Variants in AHCYL2 observed in about 807,000 individuals in gnomAD.
The protein encoded by AHCYL2 is adenosylhomocysteinase like 2.
In AHCYL2, 28 loss-of-function variants were observed where a neutral mutation model predicts 81.4. The observed-to-expected ratio is 0.34, with a 90% confidence interval of 0.25 to 0.47. The LOEUF is 0.47. Among genes scored for constraint, AHCYL2 ranks in the 20% least tolerant of loss-of-function variants. AHCYL2 has a pLI of 1.00. For missense variants in AHCYL2, 551 were observed against 785.1 expected (o/e 0.70, Z 3.56); for synonymous variants, 272 against 290.2 (o/e 0.94, Z 0.64).
chr7:129,230,226 G>A (rs569501969), intron 1 of AHCYL2, among the ~76,000 whole-genome samples: 95 of 151,686 alleles, frequency 6.3e-4, no homozygotes, highest in Non-Finnish European at 1.0e-3. Flanking sequence ...GGGACTACAG[G>A]TGTGTGCCAC....
chr7:129,233,713 C>T (rs1197750976), intron 1 of AHCYL2, among the ~76,000 whole-genome samples: 2 of 152,158 alleles, frequency 1.3e-5, no homozygotes, highest in African/African-American at 2.4e-5. Context: ...GCTCAATCTC[C>T]TGACCTCGTG....
intron 1 of AHCYL2, among the ~76,000 whole-genome samples, chr7:129,377,963 G>T (rs539952589): frequency 1.8e-4 from 28 of 152,222 alleles, no homozygotes; most frequent in Non-Finnish European, 2.1e-4. Flanking sequence ...TATAGTTAAT[G>T]ATCAATCTTA....
chr7:129,325,853 G>A (rs1242323913), intron 1 of AHCYL2, among the ~76,000 whole-genome samples: 3 of 151,748 alleles, frequency 2.0e-5, no homozygotes, highest in Admixed American at 6.6e-5. Flanking sequence ...CTACAGGCAC[G>A]TGCCACTACG....
chr7:129,399,702 G>A (rs1359175666), intron 5 of AHCYL2, among the ~76,000 whole-genome samples: 1 of 148,584 alleles, frequency 6.7e-6, no homozygotes, highest in Non-Finnish European at 1.5e-5. Flanking sequence ...CCTGTTTCTG[G>A]TTTTTGTTTT....
chr7:129,397,374 C>G (rs1471839935), intron 5 of AHCYL2, 50 bp downstream of exon 5: 1 of 1,522,540 alleles, frequency 6.6e-7, no homozygotes, highest in African/African-American at 1.4e-5. Flanking sequence ...TATTTGGAGA[C>G]TTACTTTATG....
Position 129,397,460 on chromosome 7 carries a change from A to AT in AHCYL2, c.823+139dup, listed in dbSNP as rs1795799932. ...AGAAATGGATCTCGATTCTTCATGAATTTGCTCTTTTTCTGGCCTTCGCTT... is the reference window on the plus strand; with the variant it reads ...AGAAATGGATCTCGATTCTTCATGAATTTTGCTCTTTTTCTGGCCTTCGCTT... On this transcript the variant is annotated intron_variant, in intron 5 of 16. Coordinates refer to ENST00000325006, the MANE Select transcript of AHCYL2 (RefSeq NM_015328.4). 7 of 933,636 alleles carry AT rather than the reference A, an allele frequency of 7.5e-6. No individual in the cohort carries two copies. In the East Asian group the frequency reaches 1.9e-4, roughly 25 times the overall value. The allele number at this position is 933,636 out of a possible 1,614,324, so 57.8% of individuals were successfully genotyped here.
chr7:129,329,205 G>A (rs1798331065), intron 1 of AHCYL2, among the ~76,000 whole-genome samples: 1 of 152,060 alleles, frequency 6.6e-6, no homozygotes, highest in African/African-American at 2.4e-5. Flanking sequence ...TTTGAGATAG[G>A]GTCTCATTCT....
chr7:129,225,174 T>A lies in AHCYL2; in HGVS notation c.98T>A (p.Leu33Gln), dbSNP rs746775108. Residue 33 changes from leucine to glutamine, a missense_variant, in exon 1 of 17, where the codon CTG becomes CAG. Physicochemically the swap from Leu to Gln is moderately radical, Grantham distance 113 (BLOSUM62 -2). This residue lies in a region of AHCYL2 where 235 missense variants were observed against 242.1 expected (regional missense o/e 0.97). Transcript: ENST00000325006. ...SPSEAESQLG[L>Q]STAAVGAMAP... ...TCCGAGGCGGAGTCGCAACTAGGACTGAGCACGGCCGCCGTGGGCGCCATG... is the reference window on the plus strand; with the variant it reads ...TCCGAGGCGGAGTCGCAACTAGGACAGAGCACGGCCGCCGTGGGCGCCATG... The A allele has an allele frequency of 4.0e-5, 64 of 1,585,132 alleles. No individual in the cohort carries two copies. The Admixed American group carries it at 4.4e-4, about 11-fold the overall frequency.
chr7:129,349,651 CAAA>C (rs34969591), intron 1 of AHCYL2, among the ~76,000 whole-genome samples: 1 of 86,108 alleles, frequency 1.2e-5, no homozygotes, highest in Non-Finnish European at 2.1e-5. Flanking sequence ...GACTCTGTTT[CAAA>C]AAAAAAAAAA....
chr7:129,397,169 T>C, intron 4 of AHCYL2, 53 bp from the exon 5 acceptor site: 10 of 1,417,054 alleles, frequency 7.1e-6, no homozygotes, highest in Non-Finnish European at 9.8e-6. Context: ...TTTATCTCCT[T>C]GACTAGTTGT....
chr7:129,386,659 C>T (rs1443521429), intron 2 of AHCYL2, among the ~76,000 whole-genome samples: 1 of 152,010 alleles, frequency 6.6e-6, no homozygotes, highest in Non-Finnish European at 1.5e-5. Flanking sequence ...AATTGGAATG[C>T]TTCTCTTAAG....
rs1018231201 is a variant in AHCYL2 at position 129,345,609 on chromosome 7, G to A, written c.364-34029G>A. 4.6e-5 allele frequency among the ~76,000 whole-genome samples: 7 copies of A among 152,174 alleles called. No individual in the cohort carries two copies. In the East Asian group the frequency reaches 9.6e-4, roughly 21 times the overall value. On this transcript the variant is annotated intron_variant, in intron 1 of 16. Transcript: ENST00000325006. ...TGGTTGGCTTGCTTTAGTCTAGACCGTTGATGACTGAGTGAAGGTGTTTCT... is the reference window on the plus strand; with the variant it reads ...TGGTTGGCTTGCTTTAGTCTAGACCATTGATGACTGAGTGAAGGTGTTTCT...
chr7:129,279,992 CCTG>C (rs1425428987), intron 1 of AHCYL2, among the ~76,000 whole-genome samples: 1 of 152,084 alleles, frequency 6.6e-6, no homozygotes, highest in Non-Finnish European at 1.5e-5. Flanking sequence ...CCTATCTCAT[CCTG>C]TGACTAAGAA....
At chr7:129,295,989 A>G (rs970659165) in intron 1 of AHCYL2, among the ~76,000 whole-genome samples, 3 of 152,224 alleles carry the variant, frequency 2.0e-5, no homozygotes, top group African/African-American at 7.2e-5. Flanking sequence ...TGCTAAATAG[A>G]TTTTGGATAA....
chr7:129,383,764 A>T (rs967158852), intron 2 of AHCYL2, among the ~76,000 whole-genome samples: 2 of 151,842 alleles, frequency 1.3e-5, no homozygotes, highest in African/African-American at 4.8e-5. Flanking sequence ...CACGCCATGC[A>T]CTCTCCTGCT....
chr7:129,403,860 CAAAAAAAAAAAAAAA>C (rs34806455), intron 7 of AHCYL2, among the ~76,000 whole-genome samples: 1,635 of 80,210 alleles, frequency 0.02, 49 homozygotes, highest in African/African-American at 0.062. Context: ...GACTCCATCT[CAAAAAAAAAAAAAAA>C]AAAAAAAAAA....
intron 1 of AHCYL2, among the ~76,000 whole-genome samples, chr7:129,233,629 A>G (rs1794529398): frequency 6.6e-6 from 1 of 152,128 alleles, no homozygotes; most frequent in African/African-American, 2.4e-5. Flanking sequence ...CTGGGACTAC[A>G]GGCACGCACT....
At position 129,327,614 on chromosome 7, in the gene AHCYL2, C is replaced by T. The variant is rs182510686; in HGVS notation, c.364-52024C>T. On this transcript the variant is annotated intron_variant, in intron 1 of 16. Transcript: ENST00000325006. ...CTGAGTAGCTGGGATTATAGGTGCC[C>T]GCCACCTTGCCTGGCTAATTTTTGT... 1.4e-4 allele frequency among the ~76,000 whole-genome samples: 22 copies of T among 151,800 alleles called. 2 individuals carry two copies. Among genetic ancestry groups the T allele is most frequent in the Admixed American group, 1.2e-3 (18 of 15,242 alleles).
intron 1 of AHCYL2, among the ~76,000 whole-genome samples, chr7:129,231,238 C>CA (rs1286986385): frequency 2.1e-5 from 3 of 145,594 alleles, no homozygotes; most frequent in East Asian, 2.0e-4. Flanking sequence ...GACTCTGTCT[C>CA]AAAAAAAAGA....
Sources: gnomAD v4.1 joint callset for allele counts (sites outside exome capture counted in the v4.1 genomes callset) on GRCh38, gnomAD v4.1.1 for gene constraint, gnomAD v4.1.1 regional missense constraint, MANE v1.5 for transcripts, NCBI Gene and HGNC (gene_info 2026-07-23, HGNC 2026-07-21) for gene names.